The following GPATCH2 variants were observed in gnomAD, a reference collection of about 807,000 sequenced individuals.
The protein encoded by GPATCH2 is G patch domain-containing protein 2.
Under a neutral mutation model 58.0 loss-of-function variants are expected in GPATCH2, and 51 were observed. The ratio of observed to expected loss-of-function variants is 0.88; its 90% confidence interval spans 0.70 to 1.11. The LOEUF (loss-of-function observed/expected upper bound fraction) is 1.11, where lower values mean the gene tolerates loss of function less well. Ranked by LOEUF, GPATCH2 falls within the 50% of genes most tolerant of loss-of-function variation. GPATCH2 has a pLI of 0.00. For synonymous variants in GPATCH2, 222 were observed against 218.5 expected (o/e 1.02, Z -0.14); for missense variants, 625 against 652.2 (o/e 0.96, Z 0.45).
At position 217,583,427 on chromosome 1, in the gene GPATCH2, G is replaced by T. The variant is rs376817194; in HGVS notation, c.1098+26894C>A. The stretch of plus-strand genomic sequence containing the variant: ...TCTACTAAAAATACAAAAATTAGCC[G>T]GGTGGTGGTGGCACGTGCCTGTAAT... On this transcript the variant is annotated intron_variant, in intron 5 of 9. Transcript: ENST00000366935. Among the ~76,000 whole-genome samples the T allele has an allele frequency of 2.6e-5, 4 of 151,718 alleles. No individual in the cohort carries two copies. The South Asian group carries it at 6.3e-4, about 24-fold the overall frequency.
intron 9 of GPATCH2, among the ~76,000 whole-genome samples, chr1:217,432,390 G>C (rs979085075): frequency 2.0e-5 from 3 of 151,896 alleles, no homozygotes; most frequent in African/African-American, 4.8e-5. Flanking sequence ...TTTGTTCTAG[G>C]GAAAAACTCA....
intron 6 of GPATCH2, among the ~76,000 whole-genome samples, chr1:217,511,817 C>CTGTG (rs35836441): frequency 2.8e-3 from 421 of 149,034 alleles, no homozygotes; most frequent in East Asian, 0.012. Flanking sequence ...AACTGGAAGT[C>CTGTG]TGTGTGTGTG....
At chr1:217,609,539 G>A (rs1668528617) in intron 5 of GPATCH2, 2 of 979,060 alleles carry the variant, frequency 2.0e-6, no homozygotes, top group Non-Finnish European at 2.4e-6. Context: ...AAAATACAAT[G>A]AGTTTGCAAT....
chr1:217,605,849 C>T (rs936520876), intron 5 of GPATCH2, among the ~76,000 whole-genome samples: 2 of 152,078 alleles, frequency 1.3e-5, no homozygotes, highest in Non-Finnish European at 2.9e-5. Context: ...CATCATTATT[C>T]TGAGAAATAT....
Position 217,567,365 on chromosome 1 carries a change from C to A in GPATCH2, c.1098+42956G>T, listed in dbSNP as rs991808805. Among the ~76,000 whole-genome samples, 6 of 152,092 alleles carry A rather than the reference C, an allele frequency of 3.9e-5. 1 individual carries two copies. The highest frequency in any genetic ancestry group is 2.0e-4 in the Admixed American group (3 of 15,258). ...CCAGCCTAAATATAGCTCTTACTTA[C>A]ATCTACCATTTGCTTAAGAGTATTG... On this transcript the variant is annotated intron_variant, in intron 5 of 9. Transcript: ENST00000366935.
chr1:217,501,345 A>G (rs1662292666), intron 6 of GPATCH2, among the ~76,000 whole-genome samples: 1 of 152,120 alleles, frequency 6.6e-6, no homozygotes, highest in South Asian at 2.1e-4. Context: ...CCATTCACCT[A>G]TCGGAAGACT....
At chr1:217,441,604 G>A (rs1659144587) in intron 9 of GPATCH2, among the ~76,000 whole-genome samples, 2 of 152,000 alleles carry the variant, frequency 1.3e-5, no homozygotes, top group South Asian at 4.2e-4. Flanking sequence ...ATTGACAAAG[G>A]GCTAATAACC....
chr1:217,586,977 G>A (rs1399170718), intron 5 of GPATCH2, among the ~76,000 whole-genome samples: 1 of 152,170 alleles, frequency 6.6e-6, no homozygotes, highest in East Asian at 1.9e-4. Flanking sequence ...ATTCTTGATA[G>A]TAGTTACTTC....
chr1:217,556,417 T>A (rs1489002440), intron 5 of GPATCH2, among the ~76,000 whole-genome samples: 3 of 152,230 alleles, frequency 2.0e-5, no homozygotes, highest in Admixed American at 6.5e-5. Context: ...CTAAATAACA[T>A]TGTTCCATTT....
chr1:217,513,212 AC>A (rs1278622361), intron 6 of GPATCH2, among the ~76,000 whole-genome samples: 2 of 151,842 alleles, frequency 1.3e-5, no homozygotes, highest in Non-Finnish European at 2.9e-5. Flanking sequence ...AATCGCTTGA[AC>A]CCGGGAGGCA....
chr1:217,505,368 TA>T (rs1425618430), intron 6 of GPATCH2, among the ~76,000 whole-genome samples: 2 of 151,320 alleles, frequency 1.3e-5, no homozygotes, highest in African/African-American at 4.9e-5. Context: ...GGAGTAGAAA[TA>T]ATTTTTTTTT....
intron 9 of GPATCH2, among the ~76,000 whole-genome samples, chr1:217,446,733 T>C (rs1419504059): frequency 1.3e-5 from 2 of 152,124 alleles, no homozygotes; most frequent in Non-Finnish European, 2.9e-5. Context: ...AATTTTGAAA[T>C]ATAAAATCTG....
intron 5 of GPATCH2, among the ~76,000 whole-genome samples, chr1:217,536,842 T>C (rs1664497949): frequency 1.3e-5 from 2 of 152,086 alleles, no homozygotes; most frequent in African/African-American, 2.4e-5. Flanking sequence ...CCGGGCGTGG[T>C]GGTGCATACC....
At chr1:217,568,465 A>G (rs1264206437) in intron 5 of GPATCH2, among the ~76,000 whole-genome samples, 1 of 152,126 alleles carries the variant, frequency 6.6e-6, no homozygotes, top group Non-Finnish European at 1.5e-5. Context: ...CAGACCAGAT[A>G]AGTACTATGG....
chr1:217,430,899 C>A lies in GPATCH2; in HGVS notation c.*246G>T. 1 of 540,178 alleles carries A rather than the reference C, an allele frequency of 1.9e-6. No individual in the cohort carries two copies. Among genetic ancestry groups the A allele is most frequent in the East Asian group, 3.2e-5 (1 of 31,254 alleles). The allele number at this position is 540,178 out of a possible 1,614,324, so 33.5% of individuals were successfully genotyped here. A position where few individuals can be genotyped will look rare whatever the true frequency, so the allele number is the denominator to read the frequency against. On this transcript the variant is annotated 3_prime_UTR_variant, in exon 10 of 10. Coordinates refer to ENST00000366935, the MANE Select transcript of GPATCH2 (RefSeq NM_018040.5). ...AAATAAATAAGAGAAACGAGCTGCTCTTTATACCTAGAAATAGCTGGAAAT... is the reference window on the plus strand; with the variant it reads ...AAATAAATAAGAGAAACGAGCTGCTATTTATACCTAGAAATAGCTGGAAAT...
At chr1:217,500,622 AT>A (rs1380169740) in intron 6 of GPATCH2, among the ~76,000 whole-genome samples, 1 of 151,976 alleles carries the variant, frequency 6.6e-6, no homozygotes, top group Non-Finnish European at 1.5e-5. Context: ...TGTGATCTGG[AT>A]TTCTTTCCTC....
rs141983992 is a variant in GPATCH2 at position 217,449,591 on chromosome 1, T to A, written c.1278-254A>T. On this transcript the variant is annotated intron_variant, in intron 8 of 9. Coordinates refer to ENST00000366935, the MANE Select transcript of GPATCH2 (RefSeq NM_018040.5). ...GCTTTTTAATTTTCAAAACTGGCAA[T>A]CTTTCTGGCTCAACATAAAATCAAG... Among the ~76,000 whole-genome samples the A allele has an allele frequency of 4.6e-5, 7 of 152,318 alleles. No homozygotes were observed. The East Asian group carries it at 1.3e-3, about 29-fold the overall frequency.
chr1:217,622,404 T>C (rs1669232818), intron 1 of GPATCH2, among the ~76,000 whole-genome samples: 1 of 152,270 alleles, frequency 6.6e-6, no homozygotes, highest in African/African-American at 2.4e-5. Context: ...ATGGGCATTC[T>C]GAATGTATTT....
At chr1:217,472,296 C>CTTTTT (rs11326840) in intron 8 of GPATCH2, among the ~76,000 whole-genome samples, 1 of 90,014 alleles carries the variant, frequency 1.1e-5, no homozygotes, top group Non-Finnish European at 2.1e-5. Context: ...TTTCAACAGA[C>CTTTTT]TTTTTTTTTT....
Sources: allele counts gnomAD v4.1 joint callset (sites outside exome capture counted in the v4.1 genomes callset), GRCh38; gene constraint gnomAD v4.1.1; transcripts MANE v1.5; gene names NCBI Gene and HGNC (gene_info 2026-07-23, HGNC 2026-07-21).